The following EXTL3 variants were observed in gnomAD, a reference collection of about 807,000 sequenced individuals.
EXTL3 encodes the protein exostosin like glycosyltransferase 3.
EXTL3 carries 27 observed loss-of-function variants against 69.3 expected under a neutral mutation model. That is an observed-to-expected ratio of 0.39 (90% CI 0.29 to 0.54). The LOEUF (loss-of-function observed/expected upper bound fraction) is 0.54. Ranked by LOEUF, EXTL3 falls within the 20% of genes least tolerant of loss-of-function variation. The pLI is 0.69. For synonymous variants in EXTL3, 511 were observed against 499.4 expected, an observed-to-expected ratio of 1.02 and a Z score of -0.31; for missense variants, 1,003 against 1,231.8, an observed-to-expected ratio of 0.81 and a Z score of 2.78.
rs975353520 is a variant in EXTL3, at chr8:28,695,224, G to A, written c.-52-18233G>A. On this transcript the variant is annotated intron_variant, in intron 1 of 6. Coordinates refer to the EXTL3 transcript ENST00000523149. ...GGCTCACTGCAACCTCTGCCTCCTG[G>A]GTTCAAGTGATTCTCTGCCTCAGCC... Among the ~76,000 whole-genome samples the A allele has an allele frequency of 2.0e-5, 3 of 151,066 alleles. No homozygotes were observed. The East Asian group carries it at 5.9e-4, about 30-fold the overall frequency.
At chr8:28,611,709 T>C (rs1304961136) in intron 2 of EXTL3, among the ~76,000 whole-genome samples, 1 of 152,180 alleles carries the variant, frequency 6.6e-6, no homozygotes, top group Non-Finnish European at 1.5e-5. Flanking sequence ...CATAAAGGAT[T>C]CTGTCAGAGC....
intron 6 of EXTL3, among the ~76,000 whole-genome samples, chr8:28,749,019 T>C (rs1029627515): frequency 6.6e-6 from 1 of 152,156 alleles, no homozygotes; most frequent in Non-Finnish European, 1.5e-5. Context: ...AAATCTGTTA[T>C]AAGGAGAAAT....
In EXTL3 at chr8:28,715,966, C is replaced by T. The variant is rs1463466531; in HGVS notation, c.-94C>T. 2.6e-5 allele frequency: 26 copies of T among 1,006,660 alleles called. No homozygotes were observed. The highest frequency in any genetic ancestry group is 1.4e-4 in the Admixed American group (7 of 50,072). 62.4% of individuals were successfully genotyped at this position (1,006,660 alleles called of 1,614,324 possible). The stretch of plus-strand genomic sequence containing the variant: ...GGGAGCACACTAACTCTTCTGGAAA[C>T]GTGTCAGTGAAACAGAGATCGTTTT... On this transcript the variant is annotated 5_prime_UTR_variant, in exon 3 of 7. In the 5' UTR this introduces an upstream ATG that the reference lacks. Transcript: ENST00000220562.
chr8:28,632,725 G>A (rs1806587892), intron 1 of EXTL3, among the ~76,000 whole-genome samples: 1 of 151,560 alleles, frequency 6.6e-6, no homozygotes, highest in South Asian at 2.1e-4. Flanking sequence ...GCTAATTTTT[G>A]TATTTTTTAG....
At chr8:28,616,818 G>T (rs934520391) in intron 2 of EXTL3, among the ~76,000 whole-genome samples, 1 of 152,186 alleles carries the variant, frequency 6.6e-6, no homozygotes, top group Non-Finnish European at 1.5e-5. Context: ...ACAGCACCTG[G>T]AGACTCCTCT....
intron 1 of EXTL3, chr8:28,710,276 C>T (rs1203690227): frequency 3.1e-6 from 1 of 324,808 alleles, no homozygotes; most frequent in Non-Finnish European, 6.1e-6. Flanking sequence ...GAGAGTCAGC[C>T]AATCAGGGGG....
intron 1 of EXTL3, among the ~76,000 whole-genome samples, chr8:28,687,606 T>C (rs1807597875): frequency 6.6e-6 from 1 of 152,248 alleles, no homozygotes; most frequent in South Asian, 2.1e-4. Flanking sequence ...GTGGACAGTT[T>C]GGCTCAAGAG....
intron 3 of EXTL3, among the ~76,000 whole-genome samples, chr8:28,728,222 G>A (rs1483522273): frequency 6.6e-6 from 1 of 152,192 alleles, no homozygotes; most frequent in African/African-American, 2.4e-5. Context: ...GTCTTACAAT[G>A]GATGGCCTCT....
chr8:28,709,863 A>G lies in EXTL3; in HGVS notation c.-569-3594A>G, dbSNP rs995486801. On this transcript the variant is annotated intron_variant, in intron 1 of 6. Transcript: ENST00000220562. ...GGGCGAGAAGGTGAAGGGGAACACC[A>G]GCACGTGCACAGTTCTGGATTGGAA... is the stretch of plus-strand genomic sequence containing the variant. Among the ~76,000 whole-genome samples, 3 of 152,152 alleles carry G rather than the reference A, an allele frequency of 2.0e-5. 1 individual carries two copies. The highest frequency in any genetic ancestry group is 6.5e-5 in the Admixed American group (1 of 15,280).
At chr8:28,736,407 G>A (rs545311589) in intron 4 of EXTL3, among the ~76,000 whole-genome samples, 1 of 152,320 alleles carries the variant, frequency 6.6e-6, no homozygotes, top group South Asian at 2.1e-4. Context: ...CAGGTCCTGT[G>A]GAGCTTAAAC....
rs375656022 is a variant in EXTL3, at chr8:28,671,137, C to A, written c.-52-42320C>A. ...TTGGGATTACAGGTGTGTGCTACCA[C>A]GCCCAGCTAATTTTTTGTATTTTTA... is the stretch of plus-strand genomic sequence containing the variant. On this transcript the variant is annotated intron_variant, in intron 1 of 6. Transcript: ENST00000523149. Among the ~76,000 whole-genome samples, 7 of 151,770 alleles carry A rather than the reference C, an allele frequency of 4.6e-5. No homozygotes were observed. In the East Asian group the frequency reaches 7.8e-4, roughly 17 times the overall value.
chr8:28,625,269 G>A (rs1806473618), intron 1 of EXTL3, among the ~76,000 whole-genome samples: 1 of 152,182 alleles, frequency 6.6e-6, no homozygotes. Flanking sequence ...CTCAGAAGTA[G>A]GGGCCGGCAT....
intron 1 of EXTL3, among the ~76,000 whole-genome samples, chr8:28,643,877 C>G (rs1431996840): frequency 6.6e-6 from 1 of 151,982 alleles, no homozygotes; most frequent in Non-Finnish European, 1.5e-5. Context: ...GTGAACCTCC[C>G]CCCTGAGCCT....
chr8:28,644,480 C>T (rs1806797702), intron 1 of EXTL3, among the ~76,000 whole-genome samples: 1 of 152,042 alleles, frequency 6.6e-6, no homozygotes, highest in African/African-American at 2.4e-5. Flanking sequence ...AAGAGGATCA[C>T]TAGAGGCCAG....
chr8:28,633,755 A>G (rs768719011), intron 1 of EXTL3, among the ~76,000 whole-genome samples: 5 of 152,214 alleles, frequency 3.3e-5, no homozygotes, highest in Non-Finnish European at 5.9e-5. Flanking sequence ...AAGATGTTAC[A>G]TGCCATCTAA....
At chr8:28,650,022 C>T (rs1806892301) in intron 1 of EXTL3, among the ~76,000 whole-genome samples, 1 of 151,674 alleles carries the variant, frequency 6.6e-6, no homozygotes, top group African/African-American at 2.4e-5. Flanking sequence ...ATGGTGAAAC[C>T]CCATCTCTAC....
intron 1 of EXTL3, among the ~76,000 whole-genome samples, chr8:28,642,710 T>C (rs929558547): frequency 1.3e-5 from 2 of 152,180 alleles, no homozygotes; most frequent in African/African-American, 4.8e-5. Flanking sequence ...AAAAGGAAAT[T>C]CCTTGGCCAC....
chr8:28,703,740 G>A (rs991735290), intron 1 of EXTL3, among the ~76,000 whole-genome samples: 1 of 152,166 alleles, frequency 6.6e-6, no homozygotes, highest in Non-Finnish European at 1.5e-5. Context: ...AGAGTGAGGC[G>A]AGGAATATGA....
intron 3 of EXTL3, among the ~76,000 whole-genome samples, chr8:28,723,028 A>AG: frequency 6.6e-6 from 1 of 152,280 alleles, no homozygotes; most frequent in South Asian, 2.1e-4. Flanking sequence ...TCCGCCTCTC[A>AG]GGCTAAGAGG....
Sources: gnomAD v4.1 joint callset for allele counts (sites outside exome capture counted in the v4.1 genomes callset) on GRCh38, gnomAD v4.1.1 for gene constraint, MANE v1.5 for transcripts, NCBI Gene and HGNC (gene_info 2026-07-23, HGNC 2026-07-21) for gene names.